Variants in SPTBN1 observed in about 807,000 individuals in gnomAD.
SPTBN1 encodes the protein spectrin beta, non-erythrocytic 1.
Under a neutral mutation model 266.4 loss-of-function variants are expected in SPTBN1, and 32 were observed. That is an observed-to-expected ratio of 0.12 (90% CI 0.09 to 0.16). The LOEUF (loss-of-function observed/expected upper bound fraction) is 0.16, where lower values mean the gene tolerates loss of function less well. Ranked by LOEUF, SPTBN1 falls within the 10% of genes least tolerant of loss-of-function variation. The pLI, the probability that SPTBN1 is intolerant of heterozygous loss-of-function variation, is 1.00. For synonymous variants in SPTBN1, 1,336 were observed against 1,162.2 expected, an observed-to-expected ratio of 1.15 and a Z score of -3.04; for missense variants, 2,296 against 3,067.1, an observed-to-expected ratio of 0.75 and a Z score of 5.94.
chr2:54,524,958 T>TA (rs1272437673), intron 1 of SPTBN1, among the ~76,000 whole-genome samples: 1 of 149,444 alleles, frequency 6.7e-6, no homozygotes, highest in Non-Finnish European at 1.5e-5. Flanking sequence ...CATTTTTTTT[T>TA]ATTTAAACTA....
chr2:54,578,647 C>G (rs1392178322), intron 2 of SPTBN1, among the ~76,000 whole-genome samples: 4 of 152,092 alleles, frequency 2.6e-5, no homozygotes, highest in Non-Finnish European at 2.9e-5. Flanking sequence ...TCATTATGAT[C>G]TATATTTGGC....
At chr2:54,606,007 C>T (rs1002627061) in intron 3 of SPTBN1, among the ~76,000 whole-genome samples, 55 of 152,146 alleles carry the variant, frequency 3.6e-4, no homozygotes, top group African/African-American at 1.3e-3. Context: ...ACACCCTGGA[C>T]CCCATGTTCA....
intron 1 of SPTBN1, among the ~76,000 whole-genome samples, chr2:54,522,042 C>T (rs547168227): frequency 5.3e-4 from 80 of 151,840 alleles, no homozygotes; most frequent in African/African-American, 1.7e-3. Context: ...GAACCACAGG[C>T]GCATGCCACC....
At chr2:54,616,009 C>G (rs1677583188) in intron 4 of SPTBN1, among the ~76,000 whole-genome samples, 198 bp from the exon 5 acceptor site, 1 of 152,190 alleles carries the variant, frequency 6.6e-6, no homozygotes, top group Non-Finnish European at 1.5e-5. Flanking sequence ...GTCTGTGTGA[C>G]ATAGAAAATG....
chr2:54,666,343 A>G (rs922658126), intron 34 of SPTBN1, among the ~76,000 whole-genome samples: 2 of 152,228 alleles, frequency 1.3e-5, no homozygotes, highest in Non-Finnish European at 2.9e-5. Context: ...TGCTTTTATA[A>G]CCAGGCACTT....
At position 54,626,070 on chromosome 2, in the gene SPTBN1, C is replaced by T. The variant is rs1200717534; in HGVS notation, c.1480C>T (p.His494Tyr). The T allele has an allele frequency of 1.9e-6, 3 of 1,614,042 alleles. No individual in the cohort carries two copies. The highest frequency in any genetic ancestry group is 1.1e-5 in the South Asian group (1 of 91,084). Residue 494 changes from histidine (H) to tyrosine (Y), a missense_variant, in exon 12 of 36, where the codon CAC becomes TAC. This residue lies in a region of SPTBN1 where 434 missense variants were observed against 573.9 expected (regional missense o/e 0.76). Transcript: ENST00000356805. This position sits in a 1 kb window ranked among gnomAD's most constrained non-coding sequence, Gnocchi z 4.7. ...CAGGGAGCTCGAGGCCGAGAATTAC[C>T]ACGACATCAAGCGCATCACAGCGAG... is the stretch of plus-strand genomic sequence containing the variant. ...VARELEAENY[H>Y]DIKRITARKD...
chr2:54,635,462 C>T (rs1679056329), intron 17 of SPTBN1, among the ~76,000 whole-genome samples: 1 of 152,244 alleles, frequency 6.6e-6, no homozygotes, highest in African/African-American at 2.4e-5. Context: ...TTGCCTCTTT[C>T]TTCCCATCTT....
intron 3 of SPTBN1, among the ~76,000 whole-genome samples, chr2:54,602,090 G>A (rs1676535012): frequency 6.6e-6 from 1 of 152,154 alleles, no homozygotes; most frequent in African/African-American, 2.4e-5. Flanking sequence ...TGAGAGCTGG[G>A]CCAGGAAGCT....
In SPTBN1 at chr2:54,649,704, G is replaced by A. The variant is rs1477461010; in HGVS notation, c.5292G>A (p.Glu1764=). 6.2e-7 allele frequency: 1 copy of A among 1,614,140 alleles called. No individual in the cohort carries two copies. The highest frequency in any genetic ancestry group is 2.2e-5 in the East Asian group (1 of 44,878). Residue 1764 remains glutamate, a synonymous_variant, in exon 26 of 36, where the codon GAG becomes GAA. Coordinates refer to ENST00000356805, the MANE Select transcript of SPTBN1 (RefSeq NM_003128.3). This position sits in a 1 kb window ranked among gnomAD's most constrained non-coding sequence, Gnocchi z 6.7. ...ACACGGTCAATCACCTGGCAGATGA[G>A]CTCATCAACTCTGGACATTCAGATG... ...RVDTVNHLAD[E]LINSGHSDAA...
intron 1 of SPTBN1, among the ~76,000 whole-genome samples, chr2:54,477,613 C>G (rs1321297526): frequency 6.6e-6 from 1 of 152,058 alleles, no homozygotes; most frequent in Non-Finnish European, 1.5e-5. Flanking sequence ...GCTGCCATTA[C>G]GATTAAGACT....
intron 1 of SPTBN1, among the ~76,000 whole-genome samples, chr2:54,475,894 T>A (rs1020411508): frequency 6.6e-6 from 1 of 151,936 alleles, no homozygotes; most frequent in Non-Finnish European, 1.5e-5. Context: ...CATACCAGAG[T>A]GTTTAGTTTT....
intron 2 of SPTBN1, among the ~76,000 whole-genome samples, chr2:54,568,066 T>C (rs906452086): frequency 3.3e-5 from 5 of 152,128 alleles, no homozygotes; most frequent in African/African-American, 1.2e-4. Context: ...CCCCAAGTGC[T>C]TTGTATGCCT....
rs1427389899 is a variant in SPTBN1, at chr2:54,645,783, C to T, written c.4495-145C>T. 1.6e-5 allele frequency: 13 copies of T among 803,254 alleles called. No individual in the cohort carries two copies. The highest frequency in any genetic ancestry group is 2.2e-5 in the Non-Finnish European group (11 of 504,944). 49.8% of individuals were successfully genotyped at this position (803,254 alleles called of 1,614,324 possible). ...CTAGCCCTGTCTCGGAGAACAAGGGCGTGCTTCCCCAGACAGCCCTCCCGA... is the reference window on the plus strand; with the variant it reads ...CTAGCCCTGTCTCGGAGAACAAGGGTGTGCTTCCCCAGACAGCCCTCCCGA... On this transcript the variant is annotated intron_variant, in intron 21 of 35. Transcript: ENST00000356805. The surrounding 1 kb of genome is among the most constrained non-coding windows in gnomAD (Gnocchi z 4.3).
chr2:54,625,280 C>T (rs749554388), intron 11 of SPTBN1, among the ~76,000 whole-genome samples: 2 of 152,164 alleles, frequency 1.3e-5, no homozygotes, highest in Non-Finnish European at 2.9e-5. Context: ...ACTAATCCTA[C>T]GAGGCAGTTA....
intron 1 of SPTBN1, among the ~76,000 whole-genome samples, chr2:54,482,223 T>A (rs1573237977): frequency 6.6e-6 from 1 of 152,050 alleles, no homozygotes. Flanking sequence ...CTTAAAAAAA[T>A]GCAGGTGTCA....
chr2:54,649,072 A>T lies in SPTBN1; in HGVS notation c.5084A>T (p.Asp1695Val). 1 of 1,614,214 alleles carries T rather than the reference A, an allele frequency of 6.2e-7. No individual in the cohort carries two copies. Among genetic ancestry groups the T allele is most frequent in the South Asian group, 1.1e-5 (1 of 91,076 alleles). ...GCTGAAGAGAGAAGAGGCAAGCTGG[A>T]TGAGAGACACAGGTTATTCCAGCTC... is the stretch of plus-strand genomic sequence containing the variant. Reference protein sequence around the residue: ...DLAEERRGKLDERHRLFQLNR... With the variant: ...DLAEERRGKLVERHRLFQLNR... The change falls in exon 25 of 36, where the codon GAT becomes GTT. Residue 1695 changes from aspartate to valine, a missense_variant. Coordinates refer to ENST00000356805, the MANE Select transcript of SPTBN1 (RefSeq NM_003128.3). The surrounding 1 kb of genome is among the most constrained non-coding windows in gnomAD (Gnocchi z 6.7).
At chr2:54,638,953 A>G (rs1480426698) in intron 18 of SPTBN1, among the ~76,000 whole-genome samples, 3 of 152,230 alleles carry the variant, frequency 2.0e-5, no homozygotes, top group African/African-American at 4.8e-5. Flanking sequence ...CTGCTGTCTT[A>G]CTGTAAATCT....
chr2:54,564,819 T>A (rs779144081), intron 2 of SPTBN1, among the ~76,000 whole-genome samples: 1 of 152,238 alleles, frequency 6.6e-6, no homozygotes, highest in Non-Finnish European at 1.5e-5. Flanking sequence ...GATTTTTCAT[T>A]ACTGCCTTTT....
chr2:54,623,386 A>T, intron 9 of SPTBN1, 93 bp from the exon 10 acceptor site: 1 of 1,094,306 alleles, frequency 9.1e-7, no homozygotes, highest in Non-Finnish European at 1.4e-6. Flanking sequence ...CATTTCATGT[A>T]AGTCAGACCA....
Sources: gnomAD v4.1 joint callset for allele counts (sites outside exome capture counted in the v4.1 genomes callset) on GRCh38, gnomAD v4.1.1 for gene constraint, gnomAD v4.1.1 regional missense constraint, Gnocchi (gnomAD v3.1) non-coding constraint, MANE v1.5 for transcripts, NCBI Gene and HGNC (gene_info 2026-07-23, HGNC 2026-07-21) for gene names.